The following EFCAB6 variants were observed in gnomAD, a reference collection of about 807,000 sequenced individuals.
EFCAB6 encodes EF-hand calcium-binding domain-containing protein 6.
In EFCAB6, 156 loss-of-function variants were observed where a neutral mutation model predicts 169.8. The observed-to-expected ratio is 0.92, with a 90% CI of 0.81 to 1.05. The LOEUF is 1.05. EFCAB6 is among the 50% of genes least tolerant of loss of function. The probability of loss-of-function intolerance (pLI) is 0.00; values close to 1 mark genes in which losing one functional copy is unlikely to be tolerated. For missense variants in EFCAB6, 1,800 were observed against 1,829.1 expected, an observed-to-expected ratio of 0.98 and a Z score of 0.29; for synonymous variants, 698 against 676.4, an observed-to-expected ratio of 1.03 and a Z score of -0.50.
At chr22:43,601,670 T>C (rs2052531827) in intron 22 of EFCAB6, among the ~76,000 whole-genome samples, 2 of 152,074 alleles carry the variant, frequency 1.3e-5, no homozygotes, top group Non-Finnish European at 2.9e-5. Context: ...ATAAAGAAAA[T>C]GTTCTTATTG....
intron 29 of EFCAB6, chr22:43,536,822 G>C (rs943290318): frequency 1.3e-5 from 2 of 152,774 alleles, no homozygotes; most frequent in African/African-American, 4.8e-5. Flanking sequence ...CTGTGTGACA[G>C]TAAGACCCTG....
intron 6 of EFCAB6, among the ~76,000 whole-genome samples, chr22:43,746,567 G>A (rs2060570134): frequency 6.6e-6 from 1 of 152,148 alleles, no homozygotes; most frequent in Admixed American, 6.5e-5. Flanking sequence ...TACCCATTGA[G>A]CTTACGATAC....
intron 26 of EFCAB6, among the ~76,000 whole-genome samples, chr22:43,563,178 C>T (rs561474872): frequency 5.3e-5 from 8 of 152,200 alleles, no homozygotes; most frequent in East Asian, 3.9e-4. Flanking sequence ...CTGGAAGAGG[C>T]GGGCTTGGGC....
intron 9 of EFCAB6, among the ~76,000 whole-genome samples, chr22:43,715,310 C>T (rs1224018651): frequency 6.6e-6 from 1 of 152,096 alleles, no homozygotes; most frequent in Non-Finnish European, 1.5e-5. Context: ...TTACACTCAG[C>T]CCCAGGACTT....
At chr22:43,716,745 C>G in intron 9 of EFCAB6, 103 bp downstream of exon 9, 1 of 1,413,940 alleles carries the variant, frequency 7.1e-7, no homozygotes, top group Non-Finnish European at 9.3e-7. Flanking sequence ...TAGGTAGGAT[C>G]GAAACAAATT....
At chr22:43,758,527 A>G (rs531285005) in intron 5 of EFCAB6, among the ~76,000 whole-genome samples, 3 of 152,298 alleles carry the variant, frequency 2.0e-5, no homozygotes, top group South Asian at 2.1e-4. Context: ...CTTTAACTCA[A>G]TTTATCCACA....
intron 6 of EFCAB6, among the ~76,000 whole-genome samples, chr22:43,741,692 G>A (rs1324990724): frequency 6.6e-6 from 1 of 152,206 alleles, no homozygotes; most frequent in Non-Finnish European, 1.5e-5. Context: ...TATACATGCA[G>A]AGTGGATTCG....
At chr22:43,554,804 GGCCA>G (rs1378574574) in intron 27 of EFCAB6, 61 bp downstream of exon 27, 2 of 1,384,816 alleles carry the variant, frequency 1.4e-6, no homozygotes, top group East Asian at 4.6e-5. Flanking sequence ...TGTACATTCT[GGCCA>G]GGGACCAGGC....
chr22:43,614,177 C>CA (rs56164555), intron 21 of EFCAB6, among the ~76,000 whole-genome samples: 1,003 of 68,806 alleles, frequency 0.015, 61 homozygotes, highest in African/African-American at 0.058. Context: ...CACAATACTG[C>CA]AAAAAAAAAA....
intron 2 of EFCAB6, among the ~76,000 whole-genome samples, chr22:43,799,972 C>A (rs1008184412): frequency 6.6e-6 from 1 of 152,134 alleles, no homozygotes; most frequent in African/African-American, 2.4e-5. Flanking sequence ...TGGCAGGAGA[C>A]CTATCCCTGC....
chr22:43,745,908 T>G (rs546902077), intron 6 of EFCAB6, among the ~76,000 whole-genome samples: 1 of 152,228 alleles, frequency 6.6e-6, no homozygotes, highest in Non-Finnish European at 1.5e-5. Flanking sequence ...AATAAGTAGC[T>G]TGACTGTTAT....
At chr22:43,564,736 C>T (rs1185689399) in intron 26 of EFCAB6, among the ~76,000 whole-genome samples, 1 of 152,230 alleles carries the variant, frequency 6.6e-6, no homozygotes, top group Non-Finnish European at 1.5e-5. Context: ...TTCAGCAGCT[C>T]TATGAGGTGG....
chr22:43,606,275 G>T (rs1023464293), intron 22 of EFCAB6, among the ~76,000 whole-genome samples: 4 of 152,222 alleles, frequency 2.6e-5, no homozygotes, highest in African/African-American at 9.6e-5. Context: ...CAGGGATACA[G>T]CACTTAATTA....
chr22:43,659,597 C>A (rs769617764), intron 17 of EFCAB6, among the ~76,000 whole-genome samples: 76 of 152,106 alleles, frequency 5.0e-4, no homozygotes, highest in Non-Finnish European at 1.0e-3. Context: ...GAGGTCGAGG[C>A]TGCAGTGAGC....
intron 23 of EFCAB6, among the ~76,000 whole-genome samples, chr22:43,598,310 GGAAAAA>G (rs2052191910): frequency 3.5e-5 from 2 of 57,660 alleles, no homozygotes; most frequent in African/African-American, 1.1e-4. Context: ...ACTGTCTCCG[GGAAAAA>G]AAAAAAAAAA....
At chr22:43,638,195 A>G (rs975653191) in intron 17 of EFCAB6, among the ~76,000 whole-genome samples, 15 of 152,224 alleles carry the variant, frequency 9.9e-5, no homozygotes, top group African/African-American at 3.6e-4. Context: ...CACCACTTTC[A>G]TTTCTAAGAT....
At chr22:43,738,635 TCACA>T (rs1556336039) in intron 6 of EFCAB6, among the ~76,000 whole-genome samples, 1 of 151,804 alleles carries the variant, frequency 6.6e-6, no homozygotes, top group East Asian at 1.9e-4. Flanking sequence ...GCATATATAT[TCACA>T]CACACTTGCA....
chr22:43,774,439 C>A (rs1013938591), intron 3 of EFCAB6, among the ~76,000 whole-genome samples: 4 of 151,526 alleles, frequency 2.6e-5, no homozygotes, highest in African/African-American at 9.7e-5. Flanking sequence ...CTCTGGGGGG[C>A]ACTTCCACGC....
At chr22:43,543,924 T>C (rs966017984) in intron 27 of EFCAB6, among the ~76,000 whole-genome samples, 2 of 152,032 alleles carry the variant, frequency 1.3e-5, no homozygotes, top group Non-Finnish European at 2.9e-5. Context: ...CATTTCTCTC[T>C]CCAACCTTCA....
Sources: allele counts gnomAD v4.1 joint callset (sites outside exome capture counted in the v4.1 genomes callset), GRCh38; gene constraint gnomAD v4.1.1; transcripts MANE v1.5; gene names NCBI Gene and HGNC (gene_info 2026-07-23, HGNC 2026-07-21).